Variants in ABLIM3 observed in about 807,000 individuals in gnomAD.
The protein encoded by ABLIM3 is actin binding LIM protein family member 3.
A neutral mutation model predicts 109.5 loss-of-function variants in ABLIM3; 61 were observed. The observed-to-expected ratio is 0.56, with a 90% CI of 0.45 to 0.69. The LOEUF (loss-of-function observed/expected upper bound fraction) is 0.69, where lower values mean the gene tolerates loss of function less well. Ranked by LOEUF, ABLIM3 falls within the 30% of genes least tolerant of loss-of-function variation. The pLI, the probability that ABLIM3 is intolerant of heterozygous loss-of-function variation, is 0.00. For missense variants in ABLIM3, 796 were observed against 889.5 expected (o/e 0.89, Z 1.34); for synonymous variants, 300 against 324.8 (o/e 0.92, Z 0.82).
chr5:149,254,130 C>A (rs766929448), intron 23 of ABLIM3, among the ~76,000 whole-genome samples: 1 of 152,108 alleles, frequency 6.6e-6, no homozygotes, highest in South Asian at 2.1e-4. Context: ...ATCCTTGACA[C>A]GTGGGGATTA....
intron 9 of ABLIM3, among the ~76,000 whole-genome samples, chr5:149,230,921 T>A (rs1315234031): frequency 6.6e-6 from 1 of 152,204 alleles, no homozygotes; most frequent in East Asian, 1.9e-4. Flanking sequence ...CTGAAAACTG[T>A]AAAGCACTGT....
At chr5:149,202,463 G>T (rs1179278789) in intron 5 of ABLIM3, among the ~76,000 whole-genome samples, 3 of 152,188 alleles carry the variant, frequency 2.0e-5, no homozygotes, top group Non-Finnish European at 4.4e-5. Context: ...TTTCTCCAAA[G>T]GTGGTCACTA....
Position 149,200,442 on chromosome 5 carries a change from A to G in ABLIM3, c.448+14A>G. 1 of 1,610,252 alleles carries G rather than the reference A, an allele frequency of 6.2e-7. No individual in the cohort carries two copies. On this transcript the variant is annotated intron_variant, in intron 5 of 23. Transcript: ENST00000309868. ...GTGGACCAAGCCGTGAGTCCTCCCC[A>G]CGGGTATCTCCCTGTCCATGGGTGT... is the stretch of plus-strand genomic sequence containing the variant.
rs964565255 is a variant in ABLIM3, at chr5:149,246,646, G to C, written c.1551+100G>C. The C allele has an allele frequency of 6.8e-6, 9 of 1,320,104 alleles. No homozygotes were observed. In the African/African-American group the frequency reaches 1.3e-4, roughly 20 times the overall value. The allele number at this position is 1,320,104 out of a possible 1,614,324, so 81.8% of individuals were successfully genotyped here. On this transcript the variant is annotated intron_variant, in intron 17 of 23. Coordinates refer to ENST00000309868, the MANE Select transcript of ABLIM3 (RefSeq NM_014945.5). Reference sequence around the variant, plus strand: ...AAAAAACAGATTCAAGCCCACTTATGATAGAAAAAAGAAAAGCATAGCTTT... The same window carrying C: ...AAAAAACAGATTCAAGCCCACTTATCATAGAAAAAAGAAAAGCATAGCTTT...
At chr5:149,148,030 C>A (rs1462839498) in intron 2 of ABLIM3, among the ~76,000 whole-genome samples, 2 of 152,120 alleles carry the variant, frequency 1.3e-5, no homozygotes, top group Non-Finnish European at 2.9e-5. Context: ...TCACATCCTT[C>A]TCATGAATTG....
Position 149,259,555 on chromosome 5 carries a change from T to C in ABLIM3, c.*1151T>C. The C allele has an allele frequency of 6.5e-7, 1 of 1,536,340 alleles. No individual in the cohort carries two copies. Among genetic ancestry groups the C allele is most frequent in the Non-Finnish European group, 8.7e-7 (1 of 1,146,966 alleles). ...TGGCCATGTTTCACAGGGAAACTTT[T>C]GGAAGAGTGGCTGCTTATGAGATTC... On this transcript the variant is annotated 3_prime_UTR_variant, in exon 24 of 24. Coordinates refer to ENST00000309868, the MANE Select transcript of ABLIM3 (RefSeq NM_014945.5).
intron 2 of ABLIM3, among the ~76,000 whole-genome samples, chr5:149,155,660 A>G (rs1753811412): frequency 6.6e-6 from 1 of 152,218 alleles, no homozygotes; most frequent in South Asian, 2.1e-4. Context: ...GGCATTCCAC[A>G]CACCCTAATG....
Position 149,207,020 on chromosome 5 carries a change from G to A in ABLIM3, c.461G>A (p.Cys154Tyr), listed in dbSNP as rs774442461. Residue 154 changes from cysteine (C) to tyrosine (Y), a missense_variant, in exon 6 of 24, where the codon TGC becomes TAC. Coordinates refer to ENST00000309868, the MANE Select transcript of ABLIM3 (RefSeq NM_014945.5). Reference protein sequence around the residue: ...KIRGPSHCAGCKEEIKHGQSL... With the variant: ...KIRGPSHCAGYKEEIKHGQSL... Reference sequence around the variant, plus strand: ...TCTTGTCTTGCAGACTGTGCCGGGTGCAAGGAGGAGATCAAGCACGGCCAG... The same window carrying A: ...TCTTGTCTTGCAGACTGTGCCGGGTACAAGGAGGAGATCAAGCACGGCCAG... 1 of 1,613,908 alleles carries A rather than the reference G, an allele frequency of 6.2e-7. No individual in the cohort carries two copies. The highest frequency in any genetic ancestry group is 8.5e-7 in the Non-Finnish European group (1 of 1,179,910).
intron 23 of ABLIM3, among the ~76,000 whole-genome samples, chr5:149,257,868 G>A (rs1271083216): frequency 2.6e-5 from 4 of 152,206 alleles, no homozygotes; most frequent in Non-Finnish European, 4.4e-5. Flanking sequence ...ACATCAGTAA[G>A]AGGAAATATC....
intron 17 of ABLIM3, 34 bp from the exon 18 acceptor site, chr5:149,247,748 T>A (rs1416472831): frequency 6.2e-7 from 1 of 1,614,114 alleles, no homozygotes; most frequent in Non-Finnish European, 8.5e-7. Context: ...TTTGTTTTCC[T>A]TCTAACTTTA....
intron 2 of ABLIM3, among the ~76,000 whole-genome samples, chr5:149,159,229 C>G (rs772230843): frequency 6.6e-6 from 1 of 152,120 alleles, no homozygotes; most frequent in Non-Finnish European, 1.5e-5. Context: ...CATGCCAAAA[C>G]ATGAATGAAT....
chr5:149,234,966 A>C (rs1410459762), intron 10 of ABLIM3, among the ~76,000 whole-genome samples: 1 of 152,200 alleles, frequency 6.6e-6, no homozygotes, highest in Admixed American at 6.5e-5. Flanking sequence ...CTGGAGAAAG[A>C]TTCCCAGAAT....
At chr5:149,148,459 T>A (rs569705114) in intron 2 of ABLIM3, among the ~76,000 whole-genome samples, 1 of 152,328 alleles carries the variant, frequency 6.6e-6, no homozygotes, top group South Asian at 2.1e-4. Flanking sequence ...CCACTTTGTC[T>A]TCTGTAGGGT....
chr5:149,254,554 G>C (rs143032753), intron 23 of ABLIM3, among the ~76,000 whole-genome samples: 1 of 152,290 alleles, frequency 6.6e-6, no homozygotes, highest in Non-Finnish European at 1.5e-5. Flanking sequence ...TGATGGCGTG[G>C]AATTGGCCCA....
At position 149,240,665 on chromosome 5, in the gene ABLIM3, G is replaced by A. The variant is rs1244867660; in HGVS notation, c.1205-11G>A. The A allele has an allele frequency of 6.2e-7, 1 of 1,611,828 alleles. No individual in the cohort carries two copies. Among genetic ancestry groups the A allele is most frequent in the Non-Finnish European group, 8.5e-7 (1 of 1,178,420 alleles). ...CTGTTTTCTTTGGCGACCACTTCCT[G>A]CGTGCTCCAGGGCCCGAGAGTGGCC... is the stretch of plus-strand genomic sequence containing the variant. On this transcript the variant is annotated splice_polypyrimidine_tract_variant and intron_variant, in intron 13 of 23. Transcript: ENST00000309868.
chr5:149,207,492 T>G (rs190883905), intron 6 of ABLIM3, among the ~76,000 whole-genome samples: 1 of 152,300 alleles, frequency 6.6e-6, no homozygotes, highest in East Asian at 1.9e-4. Context: ...TAATTACATA[T>G]TTATCCCTGG....
chr5:149,206,735 C>A lies in ABLIM3; in HGVS notation c.449-273C>A, dbSNP rs550644223. On this transcript the variant is annotated intron_variant, in intron 5 of 23. Coordinates refer to ENST00000309868, the MANE Select transcript of ABLIM3 (RefSeq NM_014945.5). ...TTAGCAATTTGAGGAGGGCTGGAAG[C>A]AGTGCAGGGTCCACTTTCAGTGAAC... Among the ~76,000 whole-genome samples, 3 of 152,232 alleles carry A rather than the reference C, an allele frequency of 2.0e-5. No homozygotes were observed. The East Asian group carries it at 5.8e-4, about 30-fold the overall frequency.
chr5:149,258,236 C>G, intron 23 of ABLIM3, 55 bp from the exon 24 acceptor site: 11 of 1,541,210 alleles, frequency 7.1e-6, no homozygotes, highest in Non-Finnish European at 9.8e-6. Flanking sequence ...ATCTTGCATC[C>G]TCATGCTGCT....
intron 2 of ABLIM3, among the ~76,000 whole-genome samples, chr5:149,172,836 G>A (rs1755573375): frequency 6.6e-6 from 1 of 152,178 alleles, no homozygotes; most frequent in Non-Finnish European, 1.5e-5. Flanking sequence ...AACATGCATA[G>A]AAAATTATAA....
Sources: allele counts gnomAD v4.1 joint callset (sites outside exome capture counted in the v4.1 genomes callset), GRCh38; gene constraint gnomAD v4.1.1; transcripts MANE v1.5; gene names NCBI Gene and HGNC (gene_info 2026-07-23, HGNC 2026-07-21).